RICTOR: variants seen among roughly 807,000 people sequenced by gnomAD.
RICTOR encodes rapamycin-insensitive companion of mTOR.
A neutral mutation model predicts 214.9 loss-of-function variants in RICTOR; 49 were observed. The observed-to-expected ratio is 0.23, with a 90% CI of 0.18 to 0.29. The LOEUF is 0.29. Ranked by LOEUF, RICTOR falls within the 10% of genes least tolerant of loss-of-function variation. The pLI, the probability that RICTOR is intolerant of heterozygous loss-of-function variation, is 1.00. For synonymous variants in RICTOR, 717 were observed against 711.3 expected, an observed-to-expected ratio of 1.01 and a Z score of -0.13; for missense variants, 1,625 against 2,047.0, an observed-to-expected ratio of 0.79 and a Z score of 3.98.
intron 2 of RICTOR, among the ~76,000 whole-genome samples, chr5:39,054,688 T>G (rs2150194032): frequency 6.6e-6 from 1 of 152,184 alleles, no homozygotes; most frequent in Non-Finnish European, 1.5e-5. Flanking sequence ...TAACTGGAGG[T>G]TCTTGAAGAG....
chr5:38,943,497 T>C (rs1747825364), intron 36 of RICTOR, among the ~76,000 whole-genome samples: 3 of 151,924 alleles, frequency 2.0e-5, no homozygotes, highest in Admixed American at 2.0e-4. Flanking sequence ...GGGACCCCAA[T>C]ACCTATATCA....
intron 2 of RICTOR, among the ~76,000 whole-genome samples, chr5:39,034,253 G>A (rs1017556532): frequency 2.6e-5 from 4 of 152,194 alleles, no homozygotes. Context: ...TCTAGGTATA[G>A]AACACTAACA....
chr5:38,971,547 AT>A lies in RICTOR; in HGVS notation c.972+329del, dbSNP rs10676528. The stretch of plus-strand genomic sequence containing the variant: ...GCCACCATGCCCAGCTAATTTTTGT[AT>A]TTTTTTTTTTTTTAAGTAGAGATGG... On this transcript the variant is annotated intron_variant, in intron 11 of 37. Coordinates refer to ENST00000357387, the MANE Select transcript of RICTOR (RefSeq NM_152756.5). The A allele has an allele frequency of 1.2e-4, 17 of 142,888 alleles. No homozygotes were observed. In the South Asian group the frequency reaches 1.3e-3, roughly 11 times the overall value. 8.9% of individuals were successfully genotyped at this position (142,888 alleles called of 1,614,324 possible).
intron 2 of RICTOR, among the ~76,000 whole-genome samples, chr5:39,047,042 G>A (rs1263819082): frequency 6.6e-6 from 1 of 151,978 alleles, no homozygotes; most frequent in Non-Finnish European, 1.5e-5. Context: ...AGCATGTCCT[G>A]TAATCAAATT....
chr5:38,968,487 A>C (rs1222556369), intron 11 of RICTOR, among the ~76,000 whole-genome samples: 3 of 151,942 alleles, frequency 2.0e-5, no homozygotes, highest in African/African-American at 7.3e-5. Flanking sequence ...AAAACAAAAA[A>C]AAAAAAAGCC....
chr5:38,963,028 C>T lies in RICTOR; in HGVS notation c.1414G>A (p.Ala472Thr). 2.5e-6 allele frequency: 4 copies of T among 1,609,870 alleles called. No homozygotes were observed. The highest frequency in any genetic ancestry group is 3.4e-6 in the Non-Finnish European group (4 of 1,177,622). ...TGGAAGCGTTTTAAACAGTTCAAGG[C>T]TGCACTGGCTCGCCTAATGAGAAAA... ...PKEKRLRASA[A>T]LNCLKRFHEM... The change falls in exon 17 of 38, where the codon GCC becomes ACC. Residue 472 changes from alanine to threonine, a missense_variant. Physicochemically the swap from Ala to Thr is moderately conservative, Grantham distance 58 (BLOSUM62 0). Around this residue, in one of 5 missense-constraint regions of RICTOR, gnomAD observed 1,214 missense variants for 1,470.5 expected, o/e 0.83. Coordinates refer to ENST00000357387, the MANE Select transcript of RICTOR (RefSeq NM_152756.5).
At position 38,947,398 on chromosome 5, in the gene RICTOR, A is replaced by C; in HGVS notation, c.4180T>G (p.Leu1394Val). The C allele has an allele frequency of 6.2e-7, 1 of 1,612,126 alleles. No individual in the cohort carries two copies. Among genetic ancestry groups the C allele is most frequent in the Non-Finnish European group, 8.5e-7 (1 of 1,178,360 alleles). The change falls in exon 32 of 38, where the codon TTA becomes GTA. Residue 1394 changes from leucine (L) to valine (V), a missense_variant. This residue lies in a region of RICTOR where 1,214 missense variants were observed against 1,470.5 expected (regional missense o/e 0.83). Coordinates refer to ENST00000357387, the MANE Select transcript of RICTOR (RefSeq NM_152756.5). ...GTATTTTGATTAATAGGACTCAATAAATCTTCTTTATCTAATGATGCATAA... is the reference window on the plus strand; with the variant it reads ...GTATTTTGATTAATAGGACTCAATACATCTTCTTTATCTAATGATGCATAA... The part of the protein sequence containing the change: ...LSYASLDKED[L>V]LSPINQNTLQ...
intron 2 of RICTOR, among the ~76,000 whole-genome samples, chr5:39,039,819 T>A (rs934552276): frequency 1.8e-4 from 28 of 152,160 alleles, no homozygotes; most frequent in African/African-American, 3.9e-4. Flanking sequence ...AGGAAACAAC[T>A]GGTGCTGGAG....
intron 7 of RICTOR, among the ~76,000 whole-genome samples, chr5:38,988,803 C>T (rs1202210530): frequency 6.6e-6 from 1 of 152,086 alleles, no homozygotes. Flanking sequence ...ATCCAACTTA[C>T]AAGGGATGTG....
intron 6 of RICTOR, among the ~76,000 whole-genome samples, chr5:38,992,866 A>C (rs1474815335): frequency 2.0e-5 from 3 of 152,228 alleles, no homozygotes; most frequent in Non-Finnish European, 4.4e-5. Context: ...CAGACATATA[A>C]AACAAATTAA....
chr5:38,996,788 T>G (rs777276887), intron 6 of RICTOR, 31 bp downstream of exon 6: 18 of 1,398,890 alleles, frequency 1.3e-5, no homozygotes, highest in Non-Finnish European at 1.2e-5. Flanking sequence ...AAACCATAAA[T>G]TTGCCTTTTA....
At chr5:38,963,833 C>T (rs1404986115) in intron 16 of RICTOR, among the ~76,000 whole-genome samples, 1 of 151,834 alleles carries the variant, frequency 6.6e-6, no homozygotes, top group East Asian at 1.9e-4. Context: ...CATCATGAAA[C>T]TACTAATATA....
intron 2 of RICTOR, among the ~76,000 whole-genome samples, chr5:39,065,226 G>C (rs564205199): frequency 5.3e-5 from 8 of 152,140 alleles, no homozygotes; most frequent in Non-Finnish European, 1.2e-4. Flanking sequence ...GCGTGTGCAG[G>C]CATCTCACAT....
intron 7 of RICTOR, among the ~76,000 whole-genome samples, chr5:38,986,091 C>A (rs1231082828): frequency 6.6e-6 from 1 of 152,170 alleles, no homozygotes; most frequent in African/African-American, 2.4e-5. Context: ...ACCCAAATCT[C>A]ATCTCAAATT....
chr5:38,985,490 A>G (rs1752096014), intron 7 of RICTOR, among the ~76,000 whole-genome samples: 2 of 152,082 alleles, frequency 1.3e-5, no homozygotes, highest in Admixed American at 6.6e-5. Context: ...TACTTGTTAC[A>G]TTTACCTTTT....
At chr5:39,025,907 AGTCT>A (rs1365190668) in intron 2 of RICTOR, among the ~76,000 whole-genome samples, 1 of 152,218 alleles carries the variant, frequency 6.6e-6, no homozygotes, top group Non-Finnish European at 1.5e-5. Context: ...CTCGAGCTGC[AGTCT>A]GTCAACCCTT....
In RICTOR at chr5:38,947,397, A is replaced by G; in HGVS notation, c.4181T>C (p.Leu1394Ser). The change falls in exon 32 of 38, where the codon TTA becomes TCA. Residue 1394 changes from leucine (L) to serine (S), a missense_variant. By Grantham distance (145) the Leu-to-Ser change is moderately radical (BLOSUM62 -2). This residue lies in a region of RICTOR where 1,214 missense variants were observed against 1,470.5 expected (regional missense o/e 0.83). Transcript: ENST00000357387. ...GGTATTTTGATTAATAGGACTCAAT[A>G]AATCTTCTTTATCTAATGATGCATA... ...LSYASLDKED[L>S]LSPINQNTLQ... 6 of 1,611,880 alleles carry G rather than the reference A, an allele frequency of 3.7e-6. No individual in the cohort carries two copies. The highest frequency in any genetic ancestry group is 5.1e-6 in the Non-Finnish European group (6 of 1,178,136).
At chr5:38,963,093 A>G in intron 16 of RICTOR, 52 bp from the exon 17 acceptor site, 1 of 1,268,040 alleles carries the variant, frequency 7.9e-7, no homozygotes, top group Non-Finnish European at 1.1e-6. Flanking sequence ...ATATAATTTA[A>G]GAGATTACCT....
chr5:39,011,022 T>C (rs1353934161), intron 3 of RICTOR, among the ~76,000 whole-genome samples: 2 of 151,970 alleles, frequency 1.3e-5, no homozygotes, highest in Non-Finnish European at 2.9e-5. Flanking sequence ...ACCAAGACAA[T>C]AGGGAAAAAT....
Sources: gnomAD v4.1 joint callset for allele counts (sites outside exome capture counted in the v4.1 genomes callset) on GRCh38, gnomAD v4.1.1 for gene constraint, gnomAD v4.1.1 regional missense constraint, MANE v1.5 for transcripts, NCBI Gene and HGNC (gene_info 2026-07-23, HGNC 2026-07-21) for gene names.